Variants in FREM1 observed in about 807,000 individuals in gnomAD.
FREM1 encodes FRAS1-related extracellular matrix protein 1.
A neutral mutation model predicts 210.1 loss-of-function variants in FREM1; 220 were observed. The observed-to-expected ratio is 1.05, with a 90% CI of 0.94 to 1.17. The LOEUF is 1.17. Among genes scored for constraint, FREM1 ranks in the 50% most tolerant of loss-of-function variants. FREM1 has a pLI of 0.00. For missense variants in FREM1, 3,454 were observed against 2,675.5 expected (o/e 1.29, Z -6.42); for synonymous variants, 1,189 against 980.2 (o/e 1.21, Z -3.98).
intron 1 of FREM1, among the ~76,000 whole-genome samples, chr9:14,896,901 A>G (rs1837841908): frequency 6.6e-6 from 1 of 152,220 alleles, no homozygotes; most frequent in African/African-American, 2.4e-5. Context: ...TCAAGCTGTG[A>G]GGTAACCTTG....
intron 22 of FREM1, chr9:14,791,106 T>C (rs1256378531): frequency 6.6e-6 from 1 of 152,224 alleles, no homozygotes; most frequent in Non-Finnish European, 1.5e-5. Context: ...TTGGTGGTTG[T>C]GGTTGCTAGT....
At chr9:14,776,441 T>C (rs1006782144) in intron 24 of FREM1, among the ~76,000 whole-genome samples, 1 of 152,296 alleles carries the variant, frequency 6.6e-6, no homozygotes, top group South Asian at 2.1e-4. Flanking sequence ...GACAGACCCA[T>C]GTGATGGAAC....
intron 36 of FREM1, among the ~76,000 whole-genome samples, chr9:14,739,930 C>A (rs1033299938): frequency 6.6e-5 from 10 of 151,992 alleles, no homozygotes; most frequent in African/African-American, 2.4e-4. Flanking sequence ...TGACCACATT[C>A]CTATTTATTT....
chr9:14,898,610 C>A (rs1404576882), intron 1 of FREM1, among the ~76,000 whole-genome samples: 1 of 152,150 alleles, frequency 6.6e-6, no homozygotes, highest in East Asian at 1.9e-4. Context: ...GGCATGGTGG[C>A]AGGCACCTGT....
At chr9:14,751,564 G>C (rs1036232107) in intron 29 of FREM1, 11 of 152,418 alleles carry the variant, frequency 7.2e-5, no homozygotes, top group Admixed American at 2.0e-4. Context: ...GGAGGCTGAG[G>C]TGGGAGGATC....
At chr9:14,748,742 G>T (rs1240676648) in intron 30 of FREM1, 103 bp from the exon 31 acceptor site, 3 of 745,972 alleles carry the variant, frequency 4.0e-6, no homozygotes, top group Admixed American at 2.4e-5. Flanking sequence ...AACCTAGATG[G>T]ATGGTTTTCC....
chr9:14,873,988 T>G (rs1324862583), intron 1 of FREM1, among the ~76,000 whole-genome samples: 2 of 152,218 alleles, frequency 1.3e-5, no homozygotes, highest in Non-Finnish European at 1.5e-5. Flanking sequence ...TTGAGTGAGT[T>G]TCTTAATCCT....
intron 5 of FREM1, 48 bp from the exon 6 acceptor site, chr9:14,851,655 G>A (rs762374088): frequency 7.4e-7 from 1 of 1,343,438 alleles, no homozygotes; most frequent in South Asian, 1.2e-5. Flanking sequence ...TATGAATGAG[G>A]TGATATCATA....
At chr9:14,776,225 G>C in intron 24 of FREM1, 22 bp from the exon 25 acceptor site, 1 of 1,510,168 alleles carries the variant, frequency 6.6e-7, no homozygotes, top group Non-Finnish European at 8.9e-7. Context: ...AGGCAAGGCA[G>C]CCTTCAGCAT....
At chr9:14,830,675 CTTCT>C (rs1428254279) in intron 10 of FREM1, among the ~76,000 whole-genome samples, 1 of 152,176 alleles carries the variant, frequency 6.6e-6, no homozygotes, top group Non-Finnish European at 1.5e-5. Context: ...GAGCTTCTTC[CTTCT>C]GTCTTCTCCC....
intron 1 of FREM1, among the ~76,000 whole-genome samples, chr9:14,875,296 T>C (rs1313360646): frequency 6.6e-6 from 1 of 152,230 alleles, no homozygotes; most frequent in African/African-American, 2.4e-5. Context: ...CCATCACTCA[T>C]CACTTTCAGG....
chr9:14,837,990 A>G (rs776233023), intron 10 of FREM1, among the ~76,000 whole-genome samples: 2 of 152,154 alleles, frequency 1.3e-5, no homozygotes, highest in African/African-American at 2.4e-5. Flanking sequence ...ATTATTCCCA[A>G]TGTTCAGAGA....
At chr9:14,866,996 C>G (rs1043049394) in intron 2 of FREM1, among the ~76,000 whole-genome samples, 1 of 147,914 alleles carries the variant, frequency 6.8e-6, no homozygotes, top group Non-Finnish European at 1.5e-5. Flanking sequence ...AGTAGCTAGG[C>G]TTACAGGTAT....
Position 14,776,184 on chromosome 9 carries a change from G to A in FREM1, c.4462C>T (p.Leu1488=). ...DRFRFIISNG[L]RTEHGVFEIT... ...TCAAACACCCCGTGCTCGGTCCGCA[G>A]TCCATTGCTGATGATGAATCTGGTA... Residue 1488 remains leucine (L), a synonymous_variant, in exon 25 of 37, where the codon CTG becomes TTG. Transcript: ENST00000380880. 3 of 1,524,384 alleles carry A rather than the reference G, an allele frequency of 2.0e-6. No individual in the cohort carries two copies. Among genetic ancestry groups the A allele is most frequent in the Non-Finnish European group, 1.8e-6 (2 of 1,136,940 alleles). 94.4% of individuals were successfully genotyped at this position (1,524,384 alleles called of 1,614,324 possible). A position where few individuals can be genotyped will look rare whatever the true frequency, so the allele number is the denominator to read the frequency against.
At chr9:14,879,276 T>C (rs1489391950) in intron 1 of FREM1, among the ~76,000 whole-genome samples, 2 of 151,286 alleles carry the variant, frequency 1.3e-5, no homozygotes, top group Non-Finnish European at 2.9e-5. Context: ...CTGGGATATA[T>C]GGAAAAAGTC....
At chr9:14,860,652 TAC>T (rs1235045385) in intron 3 of FREM1, among the ~76,000 whole-genome samples, 15 of 141,516 alleles carry the variant, frequency 1.1e-4, no homozygotes, top group Admixed American at 3.6e-4. Context: ...TATACATATA[TAC>T]ACATATATAC....
chr9:14,822,189 G>A (rs1821483329), intron 13 of FREM1, among the ~76,000 whole-genome samples: 1 of 151,936 alleles, frequency 6.6e-6, no homozygotes, highest in South Asian at 2.1e-4. Flanking sequence ...ACGTGAAACT[G>A]TGAATTCATT....
At chr9:14,785,115 C>A (rs1412280468) in intron 23 of FREM1, among the ~76,000 whole-genome samples, 2 of 152,210 alleles carry the variant, frequency 1.3e-5, no homozygotes, top group South Asian at 2.1e-4. Context: ...TGCCCTGCTA[C>A]GCTTGGAGAC....
At chr9:14,898,610 C>T (rs1404576882) in intron 1 of FREM1, among the ~76,000 whole-genome samples, 1 of 152,268 alleles carries the variant, frequency 6.6e-6, no homozygotes, top group South Asian at 2.1e-4. Flanking sequence ...GGCATGGTGG[C>T]AGGCACCTGT....
Sources: gnomAD v4.1 joint callset for allele counts (sites outside exome capture counted in the v4.1 genomes callset) on GRCh38, gnomAD v4.1.1 for gene constraint, MANE v1.5 for transcripts, NCBI Gene and HGNC (gene_info 2026-07-23, HGNC 2026-07-21) for gene names.